Variants in NRAP observed in about 807,000 individuals in gnomAD.
The protein encoded by NRAP is nebulin-related-anchoring protein.
NRAP carries 189 observed loss-of-function variants against 225.9 expected under a neutral mutation model. The ratio of observed to expected loss-of-function variants is 0.84; its 90% CI spans 0.74 to 0.94. NRAP has a LOEUF of 0.94. Among genes scored for constraint, NRAP ranks in the 40% least tolerant of loss-of-function variants. NRAP has a pLI of 0.00. For synonymous variants in NRAP, 769 were observed against 790.7 expected, an observed-to-expected ratio of 0.97 and a Z score of 0.46; for missense variants, 2,176 against 2,168.7, an observed-to-expected ratio of 1.00 and a Z score of -0.07.
chr10:113,652,665 T>A (rs929480402), intron 6 of NRAP, among the ~76,000 whole-genome samples: 4 of 151,852 alleles, frequency 2.6e-5, no homozygotes, highest in African/African-American at 9.7e-5. Flanking sequence ...AAAATAATAA[T>A]GTGTTCAGTG....
At position 113,592,221 on chromosome 10, in the gene NRAP, G is replaced by A; in HGVS notation, c.4617C>T (p.Ala1539=). The change falls in exon 39 of 42, where the codon GCC becomes GCT. Residue 1539 remains alanine (A), a synonymous_variant. Coordinates refer to ENST00000359988, the MANE Select transcript of NRAP (RefSeq NM_198060.4). Reference sequence around the variant, plus strand: ...CACTGGCGATCTCCCTAGATGCCCGGGCAGTCTGGAAGGGGATGGCATCCA... The same window carrying A: ...CACTGGCGATCTCCCTAGATGCCCGAGCAGTCTGGAAGGGGATGGCATCCA... ...FRLDAIPFQT[A]RASREIASDF... The A allele has an allele frequency of 6.2e-7, 1 of 1,610,466 alleles. No homozygotes were observed. Among genetic ancestry groups the A allele is most frequent in the Non-Finnish European group, 8.5e-7 (1 of 1,177,816 alleles).
chr10:113,615,052 C>A lies in NRAP; in HGVS notation c.3079-106G>T. Reference sequence around the variant, plus strand: ...TGGTTTGTGGTGGGTCCCCTCCCTCCCCTGGCCAGTTGGAGTTAGAGATCA... The same window carrying A: ...TGGTTTGTGGTGGGTCCCCTCCCTCACCTGGCCAGTTGGAGTTAGAGATCA... On this transcript the variant is annotated intron_variant, in intron 27 of 41. Transcript: ENST00000359988. The A allele has an allele frequency of 4.1e-6, 3 of 725,542 alleles. No homozygotes were observed. The South Asian group carries it at 4.7e-5, about 11-fold the overall frequency. The allele number at this position is 725,542 out of a possible 1,614,324, so 44.9% of individuals were successfully genotyped here. A position where few individuals can be genotyped will look rare whatever the true frequency, so the allele number is the denominator to read the frequency against.
intron 11 of NRAP, among the ~76,000 whole-genome samples, chr10:113,644,338 T>C (rs527713619): frequency 6.6e-6 from 1 of 152,058 alleles, no homozygotes; most frequent in African/African-American, 2.4e-5. Flanking sequence ...CTAGGTCTAG[T>C]GTTCTGTGAG....
At position 113,654,607 on chromosome 10, in the gene NRAP, G is replaced by A. The variant is rs534368585; in HGVS notation, c.361-482C>T. Among the ~76,000 whole-genome samples the A allele has an allele frequency of 1.8e-4, 27 of 151,168 alleles. No homozygotes were observed. In the South Asian group the frequency reaches 5.6e-3, roughly 32 times the overall value. The stretch of plus-strand genomic sequence containing the variant: ...ACTAACATGAAATAAATAGCAATTA[G>A]AAAACAGTTATGTGTTTAAGTGTAT... On this transcript the variant is annotated intron_variant, in intron 4 of 41. Coordinates refer to ENST00000359988, the MANE Select transcript of NRAP (RefSeq NM_198060.4).
At chr10:113,593,236 A>C (rs535417253) in intron 38 of NRAP, among the ~76,000 whole-genome samples, 1 of 152,266 alleles carries the variant, frequency 6.6e-6, no homozygotes, top group South Asian at 2.1e-4. Flanking sequence ...ACAGCAGGTC[A>C]GGGGGCCCTT....
intron 37 of NRAP, 65 bp downstream of exon 37, chr10:113,597,021 G>C: frequency 9.3e-7 from 1 of 1,078,162 alleles, no homozygotes; most frequent in Non-Finnish European, 1.4e-6. Context: ...TGTGTTCTTA[G>C]ACCCGGACCA....
At chr10:113,620,580 T>C (rs1309809746) in intron 25 of NRAP, 24 bp downstream of exon 25, 3 of 1,436,584 alleles carry the variant, frequency 2.1e-6, no homozygotes, top group South Asian at 2.3e-5. Context: ...GCCAGGCCTG[T>C]TACAGGCTGT....
chr10:113,615,317 C>T (rs1847586677), intron 27 of NRAP, among the ~76,000 whole-genome samples: 1 of 152,146 alleles, frequency 6.6e-6, no homozygotes, highest in Non-Finnish European at 1.5e-5. Context: ...TACCAAAGAA[C>T]AGAAATGGTG....
intron 37 of NRAP, among the ~76,000 whole-genome samples, chr10:113,596,472 C>T (rs1846290428): frequency 6.6e-6 from 1 of 152,104 alleles, no homozygotes; most frequent in South Asian, 2.1e-4. Context: ...GAACTGAATC[C>T]CTTAATTTCA....
At chr10:113,653,862 T>A (rs1458392270) in intron 5 of NRAP, among the ~76,000 whole-genome samples, 159 bp downstream of exon 5, 1 of 152,200 alleles carries the variant, frequency 6.6e-6, no homozygotes, top group Non-Finnish European at 1.5e-5. Context: ...TCACCTTTCC[T>A]CTGACTCTGA....
At chr10:113,640,423 C>G (rs890035935) in intron 13 of NRAP, 92 bp from the exon 14 acceptor site, 2 of 663,092 alleles carry the variant, frequency 3.0e-6, no homozygotes, top group African/African-American at 3.8e-5. Context: ...TTTTTAAATA[C>G]CCAGAAACGA....
intron 31 of NRAP, 82 bp downstream of exon 31, chr10:113,610,377 A>C: frequency 1.4e-6 from 1 of 705,324 alleles, no homozygotes. Flanking sequence ...AAAAAAAGGA[A>C]GAAAGAAAAA....
At chr10:113,626,329 CTTGA>C (rs917617854) in intron 20 of NRAP, among the ~76,000 whole-genome samples, 184 bp from the exon 21 acceptor site, 4 of 152,028 alleles carry the variant, frequency 2.6e-5, no homozygotes, top group Non-Finnish European at 5.9e-5. Context: ...TTCCAGTGAA[CTTGA>C]TTTAGTTGCT....
chr10:113,594,894 C>T (rs1846201892), intron 38 of NRAP, among the ~76,000 whole-genome samples: 1 of 152,200 alleles, frequency 6.6e-6, no homozygotes, highest in South Asian at 2.1e-4. Flanking sequence ...CTCTGGGAGG[C>T]CCTACGCTGC....
chr10:113,644,427 T>C (rs1849383272), intron 11 of NRAP, among the ~76,000 whole-genome samples: 6 of 152,214 alleles, frequency 3.9e-5, no homozygotes. Context: ...ACAAATTCTT[T>C]GTCAATTATT....
In NRAP at chr10:113,629,697, T is replaced by G. The variant is rs1848476555; in HGVS notation, c.1931A>C (p.Gln644Pro). 6.2e-7 allele frequency: 1 copy of G among 1,613,986 alleles called. No homozygotes were observed. Among genetic ancestry groups the G allele is most frequent in the Non-Finnish European group, 8.5e-7 (1 of 1,179,826 alleles). The part of the protein sequence containing the change: ...MVNIRHAKKA[Q>P]TLASDLDYRK... ...GTAGTCCAGGTCACTGGCGAGAGTT[T>G]GGGCCTTCTTAGCATGCCTGATGTT... The change falls in exon 19 of 42, where the codon CAA (glutamine) becomes CCA (proline). Residue 644 changes from glutamine to proline, a missense_variant. Transcript: ENST00000359988.
chr10:113,623,524 C>T lies in NRAP; in HGVS notation c.2457+5G>A. ...GTCTCTTGTACAAGGTGGGGACAGA[C>T]TCACCTCGCTAGCCAGGTCCCTCTT... On this transcript the variant is annotated splice_donor_5th_base_variant and intron_variant, in intron 23 of 41. Coordinates refer to ENST00000359988, the MANE Select transcript of NRAP (RefSeq NM_198060.4). 1 of 1,600,464 alleles carries T rather than the reference C, an allele frequency of 6.2e-7. No homozygotes were observed. Among genetic ancestry groups the T allele is most frequent in the Non-Finnish European group, 8.6e-7 (1 of 1,167,988 alleles).
chr10:113,639,684 G>T (rs1849086931), intron 14 of NRAP, among the ~76,000 whole-genome samples: 2 of 152,056 alleles, frequency 1.3e-5, no homozygotes, highest in African/African-American at 4.8e-5. Context: ...CAGGAAACAA[G>T]AAATTTAATT....
rs1845746113 is a variant in NRAP, at chr10:113,588,919, T to C, written c.*56A>G. 1 of 1,398,944 alleles carries C rather than the reference T, an allele frequency of 7.1e-7. No individual in the cohort carries two copies. The highest frequency in any genetic ancestry group is 1.0e-6 in the Non-Finnish European group (1 of 986,644). 86.7% of individuals were successfully genotyped at this position (1,398,944 alleles called of 1,614,324 possible). A position where few individuals can be genotyped will look rare whatever the true frequency, so the allele number is the denominator to read the frequency against. ...GCCGAAATCAAAGCCATCTGAAGCC[T>C]GTCTCTGGTGAACAAACTTCCTCTC... On this transcript the variant is annotated 3_prime_UTR_variant, in exon 42 of 42. Transcript: ENST00000359988.
Sources: allele counts gnomAD v4.1 joint callset (sites outside exome capture counted in the v4.1 genomes callset), GRCh38; gene constraint gnomAD v4.1.1; transcripts MANE v1.5; gene names NCBI Gene and HGNC (gene_info 2026-07-23, HGNC 2026-07-21).